Variants in SGCD observed in about 807,000 individuals in gnomAD.
SGCD encodes sarcoglycan delta, also known as delta-sarcoglycan.
Under a neutral mutation model 36.6 loss-of-function variants are expected in SGCD, and 18 were observed. The ratio of observed to expected loss-of-function variants is 0.49; its 90% CI spans 0.34 to 0.73. SGCD has a LOEUF of 0.73. SGCD is among the 30% of genes least tolerant of loss of function. The pLI, the probability that SGCD is intolerant of heterozygous loss-of-function variation, is 0.01. For synonymous variants in SGCD, 133 were observed against 130.6 expected (o/e 1.02, Z -0.12); for missense variants, 387 against 346.7 (o/e 1.12, Z -0.92).
intron 3 of SGCD, among the ~76,000 whole-genome samples, chr5:156,348,132 A>G (rs958061024): frequency 6.6e-6 from 1 of 152,166 alleles, no homozygotes; most frequent in Admixed American, 6.5e-5. Context: ...GACAGTGGAG[A>G]TCGTGGGGAA....
At chr5:156,197,738 C>A (rs1561561217) in intron 3 of SGCD, among the ~76,000 whole-genome samples, 2 of 151,920 alleles carry the variant, frequency 1.3e-5, no homozygotes, top group Admixed American at 6.6e-5. Flanking sequence ...TTTTATCTCT[C>A]CCAAATTCTT....
At chr5:156,694,040 A>G (rs977089555) in intron 7 of SGCD, among the ~76,000 whole-genome samples, 1 of 152,118 alleles carries the variant, frequency 6.6e-6, no homozygotes. Context: ...TCACTCTTAC[A>G]TTCCCTGCCT....
the SGCD span, among the ~76,000 whole-genome samples, chr5:155,761,700 C>T: frequency 1.3e-5 from 2 of 150,784 alleles, no homozygotes; most frequent in African/African-American, 4.9e-5. Context: ...CTCCATCACC[C>T]TCTCCATCAT....
chr5:155,997,257 A>T (rs1359627925), intron 1 of SGCD, among the ~76,000 whole-genome samples: 1 of 152,242 alleles, frequency 6.6e-6, no homozygotes, highest in Non-Finnish European at 1.5e-5. Flanking sequence ...ACACATAAGA[A>T]AGCTGATATC....
At chr5:156,637,153 G>A (rs1026201751) in intron 6 of SGCD, among the ~76,000 whole-genome samples, 4 of 151,918 alleles carry the variant, frequency 2.6e-5, no homozygotes, top group Admixed American at 6.6e-5. Flanking sequence ...GTTTTTTAAG[G>A]GGCTTTTCCC....
chr5:156,613,911 C>T (rs991994081), intron 6 of SGCD, among the ~76,000 whole-genome samples: 6 of 152,144 alleles, frequency 3.9e-5, no homozygotes, highest in African/African-American at 1.4e-4. Flanking sequence ...TGCATTTGAT[C>T]CTCACAACAA....
At chr5:156,522,427 C>T (rs539788920) in intron 4 of SGCD, among the ~76,000 whole-genome samples, 1 of 152,146 alleles carries the variant, frequency 6.6e-6, no homozygotes, top group African/African-American at 2.4e-5. Context: ...AAATCATGCC[C>T]TTTTCAGGAC....
chr5:156,097,706 T>C (rs1761415116), intron 1 of SGCD, among the ~76,000 whole-genome samples: 1 of 152,234 alleles, frequency 6.6e-6, no homozygotes, highest in South Asian at 2.1e-4. Flanking sequence ...CAATTCGTCT[T>C]GGTATTAGCA....
intron 1 of SGCD, among the ~76,000 whole-genome samples, chr5:156,100,820 C>G (rs1004472703): frequency 6.6e-6 from 1 of 152,102 alleles, no homozygotes; most frequent in African/African-American, 2.4e-5. Context: ...TATACACTAG[C>G]AGTTAAGGCA....
rs139573144 is a variant in SGCD at position 155,917,995 on chromosome 5, A to G, written c.-282+47571A>G. On this transcript the variant is annotated intron_variant, in intron 1 of 9. Coordinates refer to the SGCD transcript ENST00000517913. ...GTTTGTGTTCTATTTTTTGGCCACA[A>G]TTCTCTTGATCTGTAACTCATACTG... Among the ~76,000 whole-genome samples, 21 of 152,204 alleles carry G rather than the reference A, an allele frequency of 1.4e-4. No homozygotes were observed. The East Asian group carries it at 2.3e-3, about 17-fold the overall frequency.
the SGCD span, among the ~76,000 whole-genome samples, chr5:155,833,181 G>A: frequency 6.6e-6 from 1 of 151,740 alleles, no homozygotes; most frequent in South Asian, 2.1e-4. Flanking sequence ...AGTGAGCTGA[G>A]ATCGCACCAG....
chr5:156,046,587 A>G (rs1759770739), intron 1 of SGCD, among the ~76,000 whole-genome samples: 1 of 152,034 alleles, frequency 6.6e-6, no homozygotes, highest in Admixed American at 6.6e-5. Flanking sequence ...TTGGTCATTG[A>G]TCTTTGATGT....
chr5:156,547,336 C>T lies in SGCD; in HGVS notation c.294+38634C>T, dbSNP rs184644377. 3.2e-3 allele frequency among the ~76,000 whole-genome samples: 480 copies of T among 152,176 alleles called. 4 individuals are homozygous for T. The highest frequency in any genetic ancestry group is 0.011 in the African/African-American group (452 of 41,500). ...TCTCCTGACCTTGCCACATATCCAT[C>T]GGGGGACAAAATCACCCTGGTTCCC... is the stretch of plus-strand genomic sequence containing the variant. On this transcript the variant is annotated intron_variant, in intron 4 of 8. Transcript: ENST00000337851.
chr5:155,875,271 A>G (rs1432847752), intron 1 of SGCD, among the ~76,000 whole-genome samples: 1 of 152,136 alleles, frequency 6.6e-6, no homozygotes, highest in African/African-American at 2.4e-5. Flanking sequence ...GTAAACTCTT[A>G]GGTCTGATGG....
intron 3 of SGCD, among the ~76,000 whole-genome samples, chr5:156,163,973 A>T (rs1763151401): frequency 1.3e-5 from 2 of 148,680 alleles, no homozygotes; most frequent in Admixed American, 6.7e-5. Context: ...CAGTGAGCCG[A>T]GATCATGCCA....
intron 3 of SGCD, among the ~76,000 whole-genome samples, chr5:156,309,503 G>C (rs1767329700): frequency 1.3e-5 from 2 of 150,404 alleles, no homozygotes; most frequent in African/African-American, 4.9e-5. Flanking sequence ...ATTTTATTTT[G>C]GCTTCTTTTT....
chr5:155,922,798 A>G (rs1346198926), intron 1 of SGCD, among the ~76,000 whole-genome samples: 2 of 152,186 alleles, frequency 1.3e-5, no homozygotes, highest in Non-Finnish European at 2.9e-5. Context: ...TAGCCCCCAA[A>G]GAAAAGTTGT....
intron 4 of SGCD, among the ~76,000 whole-genome samples, chr5:156,568,922 G>T (rs1759604776): frequency 6.6e-6 from 1 of 152,160 alleles, no homozygotes; most frequent in Admixed American, 6.5e-5. Flanking sequence ...AGAATACCAT[G>T]AAATCATTAT....
chr5:156,174,685 A>G (rs1235710647), intron 3 of SGCD, among the ~76,000 whole-genome samples: 2 of 152,206 alleles, frequency 1.3e-5, no homozygotes, highest in African/African-American at 4.8e-5. Context: ...AAGTGAGGGC[A>G]ATGAGAATGG....
Sources: allele counts gnomAD v4.1 joint callset (sites outside exome capture counted in the v4.1 genomes callset), GRCh38; gene constraint gnomAD v4.1.1; transcripts MANE v1.5; gene names NCBI Gene and HGNC (gene_info 2026-07-23, HGNC 2026-07-21).